PCA3: variants seen among roughly 807,000 people sequenced by gnomAD.
PCA3 encodes prostate cancer associated 3.
intron 2 of PCA3, among the ~76,000 whole-genome samples, chr9:76,774,460 T>A (rs1370579131): frequency 7.2e-5 from 10 of 138,576 alleles, no homozygotes; most frequent in African/African-American, 2.7e-4. Context: ...CTTTTTTTTT[T>A]TTTTTTTTTT....
chr9:76,768,536 C>A (rs1041645158), intron 2 of PCA3, among the ~76,000 whole-genome samples: 3 of 150,984 alleles, frequency 2.0e-5, no homozygotes, highest in Non-Finnish European at 4.4e-5. Flanking sequence ...GCACCTAGAA[C>A]GTTCTCTGGG....
At chr9:76,766,652 C>G (rs1191187105) in intron 2 of PCA3, among the ~76,000 whole-genome samples, 1 of 152,148 alleles carries the variant, frequency 6.6e-6, no homozygotes, top group Non-Finnish European at 1.5e-5. Context: ...CCACTTCCCC[C>G]CAATCACAGA....
chr9:76,772,597 C>T (rs527682767), intron 2 of PCA3, among the ~76,000 whole-genome samples: 2 of 152,200 alleles, frequency 1.3e-5, no homozygotes, highest in African/African-American at 4.8e-5. Flanking sequence ...CAGGGTCTTG[C>T]TTGTCCCCCA....
intron 2 of PCA3, among the ~76,000 whole-genome samples, chr9:76,776,513 T>G (rs1203530504): frequency 1.3e-5 from 2 of 149,882 alleles, no homozygotes; most frequent in Non-Finnish European, 2.9e-5. Context: ...TTTTTTTTCT[T>G]TTTTCTTTTT....
At chr9:76,774,461 T>TTTTTTTTA (rs2053507786) in intron 2 of PCA3, among the ~76,000 whole-genome samples, 2 of 74,816 alleles carry the variant, frequency 2.7e-5, no homozygotes, top group South Asian at 4.4e-4. Flanking sequence ...TTTTTTTTTT[T>TTTTTTTTA]TTTTTTTTTT....
intron 2 of PCA3, among the ~76,000 whole-genome samples, chr9:76,772,569 CTT>C (rs2053233748): frequency 6.6e-6 from 1 of 152,052 alleles, no homozygotes; most frequent in East Asian, 1.9e-4. Context: ...AAATTATTTT[CTT>C]TCTTTTTTTT....
At chr9:76,774,684 C>A (rs924775825) in intron 2 of PCA3, among the ~76,000 whole-genome samples, 42 of 152,062 alleles carry the variant, frequency 2.8e-4, no homozygotes, top group African/African-American at 1.0e-3. Flanking sequence ...GTCTCGAATT[C>A]CCGACCTCAG....
At chr9:76,769,661 G>T (rs2052873352) in intron 2 of PCA3, among the ~76,000 whole-genome samples, 1 of 152,194 alleles carries the variant, frequency 6.6e-6, no homozygotes, top group Non-Finnish European at 1.5e-5. Flanking sequence ...CCGACATCAG[G>T]TGATCCGCCC....
intron 2 of PCA3, among the ~76,000 whole-genome samples, chr9:76,772,123 C>CTTT (rs1308843756): frequency 6.6e-6 from 1 of 152,148 alleles, no homozygotes; most frequent in East Asian, 1.9e-4. Flanking sequence ...CACCCTTCCG[C>CTTT]CCTTGTAAGC....
At chr9:76,772,533 G>C (rs2053227425) in intron 2 of PCA3, among the ~76,000 whole-genome samples, 1 of 152,040 alleles carries the variant, frequency 6.6e-6, no homozygotes, top group African/African-American at 2.4e-5. Flanking sequence ...CCATGGACAA[G>C]GTTAACTGCA....
intron 2 of PCA3, among the ~76,000 whole-genome samples, chr9:76,780,907 T>C (rs942370871): frequency 2.0e-5 from 3 of 152,136 alleles, no homozygotes; most frequent in African/African-American, 7.2e-5. Context: ...CCTGCAACCC[T>C]CATCCCCGTG....
chr9:76,784,909 G>A (rs954261718), intron 2 of PCA3: 2 of 152,092 alleles, frequency 1.3e-5, no homozygotes, highest in Non-Finnish European at 2.9e-5. Context: ...AATATCACAG[G>A]ATTAACTTTT....
chr9:76,785,961 A>C (rs2054932189), intron 2 of PCA3: 2 of 152,204 alleles, frequency 1.3e-5, no homozygotes, highest in African/African-American at 4.8e-5. Flanking sequence ...CAACCACAAT[A>C]TGCATAAATC....
chr9:76,767,836 G>A (rs1167331408), intron 2 of PCA3, among the ~76,000 whole-genome samples: 2 of 152,116 alleles, frequency 1.3e-5, no homozygotes, highest in Non-Finnish European at 2.9e-5. Flanking sequence ...TGTCCTTTTC[G>A]GTGTTTTCAG....
intron 2 of PCA3, among the ~76,000 whole-genome samples, chr9:76,764,882 G>A (rs978406767): frequency 6.6e-6 from 1 of 152,112 alleles, no homozygotes; most frequent in African/African-American, 2.4e-5. Context: ...CATCACTACT[G>A]TAACCCCAAT....
intron 2 of PCA3, among the ~76,000 whole-genome samples, chr9:76,777,626 T>C (rs575981605): frequency 6.6e-6 from 1 of 152,332 alleles, no homozygotes; most frequent in East Asian, 1.9e-4. Context: ...CAAAAATCCC[T>C]ACCCTCGTGA....
intron 2 of PCA3, among the ~76,000 whole-genome samples, chr9:76,765,376 A>G (rs921527689): frequency 2.0e-5 from 3 of 152,230 alleles, no homozygotes; most frequent in African/African-American, 7.2e-5. Flanking sequence ...ATAGGTAAAT[A>G]GTCCTTATAT....
At chr9:76,764,521 G>A (rs560719900) in intron 2 of PCA3, 2 of 152,314 alleles carry the variant, frequency 1.3e-5, no homozygotes, top group African/African-American at 4.8e-5. Flanking sequence ...AGACCAGGAA[G>A]ATCTGCATGG....
At chr9:76,773,343 G>T (rs1409898903) in intron 2 of PCA3, among the ~76,000 whole-genome samples, 4 of 152,010 alleles carry the variant, frequency 2.6e-5, no homozygotes, top group Admixed American at 6.5e-5. Context: ...GGGAAGAAAG[G>T]TTGATTTATA....
Sources: allele counts gnomAD v4.1 joint callset (sites outside exome capture counted in the v4.1 genomes callset), GRCh38; gene constraint gnomAD v4.1.1; transcripts MANE v1.5; gene names NCBI Gene and HGNC (gene_info 2026-07-23, HGNC 2026-07-21).